Variants in C1orf87 observed in about 807,000 individuals in gnomAD.
The protein encoded by C1orf87 is uncharacterized protein C1orf87.
C1orf87 carries 58 observed loss-of-function variants against 60.5 expected under a neutral mutation model. The observed-to-expected ratio is 0.96, with a 90% CI of 0.78 to 1.19. The LOEUF (loss-of-function observed/expected upper bound fraction) is 1.19, where lower values mean the gene tolerates loss of function less well. Among genes scored for constraint, C1orf87 ranks in the 50% most tolerant of loss-of-function variants. The pLI is 0.00. For synonymous variants in C1orf87, 236 were observed against 227.4 expected, an observed-to-expected ratio of 1.04 and a Z score of -0.34; for missense variants, 673 against 638.6, an observed-to-expected ratio of 1.05 and a Z score of -0.58.
chr1:60,003,467 T>C (rs1374505035), intron 9 of C1orf87, among the ~76,000 whole-genome samples: 2 of 151,732 alleles, frequency 1.3e-5, no homozygotes, highest in Non-Finnish European at 2.9e-5. Context: ...AACTTAAAAG[T>C]ATAATTTAAA....
At position 60,040,158 on chromosome 1, in the gene C1orf87, CCA is replaced by C; in HGVS notation, c.504_505del (p.Ser168ArgfsTer5). ...AAGAAAAGCGTCTTCATTTGTTGTC[CCA>C]CTTGGGCTCTGGCCAATATCCTAAC... On this transcript the variant is annotated frameshift_variant, in exon 5 of 12. Coordinates refer to ENST00000371201, the MANE Select transcript of C1orf87 (RefSeq NM_152377.3). LOFTEE classifies it high-confidence loss of function. 1 of 1,613,520 alleles carries C rather than the reference CCA, an allele frequency of 6.2e-7. No homozygotes were observed. Among genetic ancestry groups the C allele is most frequent in the East Asian group, 2.2e-5 (1 of 44,882 alleles).
At position 59,997,810 on chromosome 1, in the gene C1orf87, G is replaced by A. The variant is rs748424661; in HGVS notation, c.1279C>T (p.Pro427Ser). 3 of 1,612,992 alleles carry A rather than the reference G, an allele frequency of 1.9e-6. No homozygotes were observed. Among genetic ancestry groups the A allele is most frequent in the Non-Finnish European group, 2.5e-6 (3 of 1,179,642 alleles). Residue 427 changes from proline to serine, a missense_variant, in exon 11 of 12, where the codon CCA (proline) becomes TCA (serine). Transcript: ENST00000371201. ...CTTTCTGGCTGCAGCTCCTCTTCTG[G>A]AGTTTTCTACCAAAACAACAAAAGC... ...SQSKTEHMKT[P>S]EEELQPESSP...
At chr1:59,999,428 T>G (rs2100239428) in intron 10 of C1orf87, among the ~76,000 whole-genome samples, 1 of 152,308 alleles carries the variant, frequency 6.6e-6, no homozygotes, top group South Asian at 2.1e-4. Context: ...TTAGAAAATC[T>G]GACCAGATTA....
At chr1:60,064,760 A>G (rs1378803605) in intron 2 of C1orf87, among the ~76,000 whole-genome samples, 12 of 97,306 alleles carry the variant, frequency 1.2e-4, no homozygotes. Context: ...ATATATAAAT[A>G]TATAATTATA....
At position 60,025,416 on chromosome 1, in the gene C1orf87, TA is replaced by T. The variant is rs1645192192; in HGVS notation, c.1111del (p.Tyr371ThrfsTer5). 1 of 1,613,018 alleles carries T rather than the reference TA, an allele frequency of 6.2e-7. No individual in the cohort carries two copies. The highest frequency in any genetic ancestry group is 1.3e-5 in the African/African-American group (1 of 74,886). ...GTTGACTTACTTTATTTCATTTTGGTAACCCAAATCTTGATGGTTAAGCAAT... is the reference window on the plus strand; with the variant it reads ...GTTGACTTACTTTATTTCATTTTGGTACCCAAATCTTGATGGTTAAGCAAT... ...ETLLNHQDLG[Y>X]QNEIKWQNFV... On this transcript the variant is annotated frameshift_variant, in exon 8 of 12. Coordinates refer to ENST00000371201, the MANE Select transcript of C1orf87 (RefSeq NM_152377.3). LOFTEE classifies it high-confidence loss of function.
rs529388589 is a variant in C1orf87, at chr1:60,012,695, G to A, written c.1128-2239C>T. On this transcript the variant is annotated intron_variant, in intron 8 of 11. Coordinates refer to ENST00000371201, the MANE Select transcript of C1orf87 (RefSeq NM_152377.3). ...TCTAGATTCAGGCAGACCTGATTTC[G>A]AATCCCACTTTAACTGAGTTTTTCA... Among the ~76,000 whole-genome samples, 21 of 152,198 alleles carry A rather than the reference G, an allele frequency of 1.4e-4. No individual in the cohort carries two copies. In the South Asian group the frequency reaches 1.5e-3, roughly 11 times the overall value.
At chr1:60,058,873 TG>T (rs568460289) in intron 2 of C1orf87, among the ~76,000 whole-genome samples, 19 of 152,214 alleles carry the variant, frequency 1.2e-4, no homozygotes, top group African/African-American at 4.6e-4. Context: ...AAGGCAAAAA[TG>T]GTCTTTTGGC....
At chr1:60,026,953 A>T (rs1022750208) in intron 7 of C1orf87, among the ~76,000 whole-genome samples, 1 of 152,222 alleles carries the variant, frequency 6.6e-6, no homozygotes, top group Non-Finnish European at 1.5e-5. Context: ...TCATGTTTAG[A>T]TTTGAAGTTC....
chr1:60,046,372 CTT>C (rs1413994619), intron 3 of C1orf87, among the ~76,000 whole-genome samples: 1 of 122,776 alleles, frequency 8.1e-6, no homozygotes, highest in Non-Finnish European at 1.7e-5. Context: ...CATTCTTTCT[CTT>C]TTTCTTTCTT....
At chr1:60,033,735 C>G in intron 6 of C1orf87, 94 bp from the exon 7 acceptor site, 1 of 1,408,454 alleles carries the variant, frequency 7.1e-7, no homozygotes, top group Non-Finnish European at 9.7e-7. Context: ...TTGCTACACA[C>G]TATGGAACCA....
intron 6 of C1orf87, among the ~76,000 whole-genome samples, chr1:60,035,233 T>G: frequency 6.6e-6 from 1 of 152,226 alleles, no homozygotes; most frequent in East Asian, 1.9e-4. Context: ...GTTCCAGATC[T>G]GAATCATAAG....
At chr1:60,064,772 T>G (rs1317443712) in intron 2 of C1orf87, among the ~76,000 whole-genome samples, 3 of 95,176 alleles carry the variant, frequency 3.2e-5, no homozygotes, top group Admixed American at 3.5e-4. Flanking sequence ...ATAATTATAT[T>G]TAATATATAA....
intron 11 of C1orf87, among the ~76,000 whole-genome samples, chr1:59,996,138 A>G (rs1448304418): frequency 2.6e-5 from 4 of 152,214 alleles, no homozygotes; most frequent in African/African-American, 7.2e-5. Flanking sequence ...GTGGTCTAGA[A>G]TTAAGTTGCT....
intron 3 of C1orf87, among the ~76,000 whole-genome samples, chr1:60,049,505 T>C (rs1201921520): frequency 6.6e-6 from 1 of 152,144 alleles, no homozygotes; most frequent in Non-Finnish European, 1.5e-5. Context: ...GATATATTTG[T>C]CAGTGATGCA....
At chr1:60,041,824 C>T (rs1397488088) in intron 3 of C1orf87, among the ~76,000 whole-genome samples, 1 of 152,172 alleles carries the variant, frequency 6.6e-6, no homozygotes, top group Non-Finnish European at 1.5e-5. Context: ...TGAGTTCAAA[C>T]CCCCAGATAC....
At chr1:60,013,041 G>A (rs1645100040) in intron 8 of C1orf87, among the ~76,000 whole-genome samples, 1 of 151,848 alleles carries the variant, frequency 6.6e-6, no homozygotes, top group Non-Finnish European at 1.5e-5. Flanking sequence ...AGTTTTATTG[G>A]GTTTTTGGCC....
chr1:59,995,477 G>A (rs770652651), intron 11 of C1orf87, among the ~76,000 whole-genome samples: 1 of 152,110 alleles, frequency 6.6e-6, no homozygotes, highest in South Asian at 2.1e-4. Flanking sequence ...CAACTTTACT[G>A]TATGTCCAAC....
At chr1:60,067,560 G>GTTTT (rs34417479) in intron 2 of C1orf87, among the ~76,000 whole-genome samples, 18 of 58,930 alleles carry the variant, frequency 3.1e-4, no homozygotes, top group African/African-American at 9.8e-4. Flanking sequence ...TTTTGATGGG[G>GTTTT]TTTTTTTTTT....
chr1:59,995,836 T>C (rs1418339373), intron 11 of C1orf87, among the ~76,000 whole-genome samples: 1 of 152,146 alleles, frequency 6.6e-6, no homozygotes, highest in African/African-American at 2.4e-5. Context: ...GTAACTTCAT[T>C]TGTAATACTT....
Sources: allele counts gnomAD v4.1 joint callset (sites outside exome capture counted in the v4.1 genomes callset), GRCh38; gene constraint gnomAD v4.1.1; transcripts MANE v1.5; gene names NCBI Gene and HGNC (gene_info 2026-07-23, HGNC 2026-07-21).